Variants in DOP1B observed in about 807,000 individuals in gnomAD.
DOP1B encodes protein DOP1B.
DOP1B carries 174 observed loss-of-function variants against 233.5 expected under a neutral mutation model. The observed-to-expected ratio is 0.75, with a 90% CI of 0.66 to 0.85. The LOEUF (loss-of-function observed/expected upper bound fraction) is 0.85. Ranked by LOEUF, DOP1B falls within the 40% of genes least tolerant of loss-of-function variation. The pLI is 0.00. For synonymous variants in DOP1B, 1,190 were observed against 1,185.6 expected (o/e 1.00, Z -0.08); for missense variants, 2,652 against 2,846.6 (o/e 0.93, Z 1.56).
chr21:36,223,265 G>T lies in DOP1B; in HGVS notation c.1285G>T (p.Val429Phe). The change falls in exon 11 of 37, where the codon GTC (valine) becomes TTC (phenylalanine). Residue 429 changes from valine to phenylalanine, a missense_variant. By Grantham distance (50) the Val-to-Phe change is conservative. Coordinates refer to ENST00000691173, the MANE Select transcript of DOP1B (RefSeq NM_001320714.2). Reference sequence around the variant, plus strand: ...GGAAAACAGAAATGCCTCTGAGATTGTCAAAACGGTAAATTTGCTGATAAC... The same window carrying T: ...GGAAAACAGAAATGCCTCTGAGATTTTCAAAACGGTAAATTTGCTGATAAC... ...IKENRNASEI[V>F]KTVNLLITSL... is the part of the protein sequence containing the mutation. 1 of 1,608,430 alleles carries T rather than the reference G, an allele frequency of 6.2e-7. No homozygotes were observed. The highest frequency in any genetic ancestry group is 8.5e-7 in the Non-Finnish European group (1 of 1,178,668).
chr21:36,260,446 T>TG (rs2067157422), intron 23 of DOP1B, among the ~76,000 whole-genome samples: 1 of 152,022 alleles, frequency 6.6e-6, no homozygotes, highest in Non-Finnish European at 1.5e-5. Flanking sequence ...GTGCACAGGG[T>TG]GGGAGATCAC....
intron 34 of DOP1B, 22 bp downstream of exon 34, chr21:36,288,833 C>T (rs1247599592): frequency 1.9e-6 from 3 of 1,592,262 alleles, no homozygotes; most frequent in Admixed American, 1.7e-5. Context: ...AAGATCTGTA[C>T]ACAAGAGGAA....
intron 35 of DOP1B, among the ~76,000 whole-genome samples, chr21:36,291,596 G>A (rs896216907): frequency 1.3e-5 from 2 of 152,044 alleles, no homozygotes; most frequent in African/African-American, 4.8e-5. Flanking sequence ...ATGTGAATGT[G>A]CATAGCAACA....
In DOP1B at chr21:36,246,672, T is replaced by C; in HGVS notation, c.4692T>C (p.Ser1564=). The change falls in exon 19 of 37, where the codon TCT becomes TCC. Residue 1564 remains serine, a synonymous_variant. Coordinates refer to ENST00000691173, the MANE Select transcript of DOP1B (RefSeq NM_001320714.2). The surrounding 1 kb of genome is among the most constrained non-coding windows in gnomAD (Gnocchi z 5.1). ...ATGAAAGCGAATCTGTGAAGCTCTC[T>C]GTCAGGTGCGTTACGCTCCTTGTGA... ...KQYESESVKL[S]VSTTSKRENI... is the part of the protein sequence containing the mutation. 1 of 1,608,844 alleles carries C rather than the reference T, an allele frequency of 6.2e-7. No individual in the cohort carries two copies. The highest frequency in any genetic ancestry group is 8.5e-7 in the Non-Finnish European group (1 of 1,175,806).
chr21:36,219,532 C>T, intron 10 of DOP1B, 40 bp downstream of exon 10: 2 of 1,593,904 alleles, frequency 1.3e-6, no homozygotes, highest in Middle Eastern at 1.7e-4. Context: ...CTCTCTCCCT[C>T]CCCGGTACTG....
At chr21:36,286,038 G>T (rs985854189) in intron 32 of DOP1B, among the ~76,000 whole-genome samples, 5 of 151,586 alleles carry the variant, frequency 3.3e-5, no homozygotes, top group Non-Finnish European at 7.4e-5. Flanking sequence ...CAGGAGTGGA[G>T]AATTTCTAAC....
At chr21:36,248,011 C>T (rs1199625733) in intron 20 of DOP1B, among the ~76,000 whole-genome samples, 1 of 152,200 alleles carries the variant, frequency 6.6e-6, no homozygotes, top group Non-Finnish European at 1.5e-5. Flanking sequence ...GGCTTATAGT[C>T]ATCTTTTTCC....
Position 36,170,142 on chromosome 21 carries a change from G to A in DOP1B, c.138+5271G>A, listed in dbSNP as rs116966650. 3,039 of 525,718 alleles carry A rather than the reference G, an allele frequency of 5.8e-3. 20 individuals carry two copies. Among genetic ancestry groups the A allele is most frequent in the Admixed American group, 8.8e-3 (285 of 32,456 alleles). The allele number at this position is 525,718 out of a possible 1,614,324, so 32.6% of individuals were successfully genotyped here. On this transcript the variant is annotated intron_variant, in intron 2 of 36. Coordinates refer to ENST00000691173, the MANE Select transcript of DOP1B (RefSeq NM_001320714.2). ...TTCACTCCTATGGCAGGAAGCAGAG[G>A]GACCCATGTCTGGGAGTGGAGAACT...
At chr21:36,258,592 A>G (rs187434547) in intron 23 of DOP1B, among the ~76,000 whole-genome samples, 18 of 152,144 alleles carry the variant, frequency 1.2e-4, no homozygotes, top group African/African-American at 4.1e-4. Context: ...GCAGCCCCCT[A>G]TAGAAATGTC....
chr21:36,230,607 G>T lies in DOP1B; in HGVS notation c.1823G>T (p.Arg608Leu). The change falls in exon 14 of 37, where the codon CGA becomes CTA. Residue 608 changes from arginine to leucine, a missense_variant. Coordinates refer to ENST00000691173, the MANE Select transcript of DOP1B (RefSeq NM_001320714.2). ...CTCTCTGAGCACTTGAGGGTTCCTC[G>T]AGTTTCTCTGGAAAGGGACGACGTT... ...PELSEHLRVP[R>L]VSLERDDVWK... The T allele has an allele frequency of 6.2e-7, 1 of 1,614,180 alleles. No homozygotes were observed. The highest frequency in any genetic ancestry group is 1.1e-5 in the South Asian group (1 of 91,086).
At position 36,276,067 on chromosome 21, in the gene DOP1B, C is replaced by T. The variant is rs530029340; in HGVS notation, c.5633-954C>T. Among the ~76,000 whole-genome samples, 34 of 135,952 alleles carry T rather than the reference C, an allele frequency of 2.5e-4. 1 individual carries two copies. The highest frequency in any genetic ancestry group is 7.6e-4 in the Admixed American group (10 of 13,162). 89.2% of individuals were successfully genotyped at this position (135,952 alleles called of 152,430 possible). The stretch of plus-strand genomic sequence containing the variant: ...GACAGTGGTGGAGCTGGAGCGGAGT[C>T]GGGGATGGTTAGAAGAGAAGAAGGC... On this transcript the variant is annotated intron_variant, in intron 27 of 36. Transcript: ENST00000691173.
chr21:36,283,433 A>G (rs1263338815), intron 32 of DOP1B, among the ~76,000 whole-genome samples: 1 of 152,180 alleles, frequency 6.6e-6, no homozygotes, highest in Non-Finnish European at 1.5e-5. Flanking sequence ...CTCGTTAGTC[A>G]TGATAACTTA....
intron 2 of DOP1B, among the ~76,000 whole-genome samples, chr21:36,195,055 A>T (rs561640482): frequency 6.6e-6 from 1 of 151,648 alleles, no homozygotes; most frequent in East Asian, 2.0e-4. Context: ...AAAAATACCA[A>T]AGATGCTGGG....
At chr21:36,219,334 T>G (rs1415189735) in intron 9 of DOP1B, 38 bp from the exon 10 acceptor site, 8 of 1,613,454 alleles carry the variant, frequency 5.0e-6, no homozygotes, top group Middle Eastern at 1.7e-4. Context: ...TAAAGGGGAT[T>G]GTTAATCTGT....
At position 36,293,538 on chromosome 21, in the gene DOP1B, C is replaced by T. The variant is rs61752552; in HGVS notation, c.6864C>T (p.Ile2288=). Residue 2288 remains isoleucine, a synonymous_variant, in exon 37 of 37, where the codon ATC becomes ATT. Transcript: ENST00000691173. ...PRILKQLEEC[I]EYDFLEHPEC ...TCTTAAAACAACTGGAAGAATGCAT[C>T]GAATATGATTTTCTGGAACATCCAG... The T allele has an allele frequency of 1.3e-3, 2,091 of 1,614,028 alleles. 8 individuals carry two copies. The highest frequency in any genetic ancestry group is 1.6e-3 in the South Asian group (148 of 91,076).
chr21:36,201,669 T>C (rs1024939122), intron 4 of DOP1B, among the ~76,000 whole-genome samples: 7 of 151,858 alleles, frequency 4.6e-5, no homozygotes, highest in African/African-American at 1.7e-4. Flanking sequence ...CTAAAGTCCT[T>C]CTTCTTTCCA....
chr21:36,238,810 T>C, intron 17 of DOP1B, 109 bp downstream of exon 17: 1 of 1,026,778 alleles, frequency 9.7e-7, no homozygotes, highest in Non-Finnish European at 1.5e-6. Context: ...GTTGAAAACA[T>C]GAACCCATAT....
chr21:36,228,537 C>T (rs149171652), intron 13 of DOP1B, among the ~76,000 whole-genome samples: 1,560 of 152,016 alleles, frequency 0.01, 9 homozygotes, highest in Non-Finnish European at 0.017. Flanking sequence ...GAGGCCGAGG[C>T]GGGCAGATCA....
intron 2 of DOP1B, among the ~76,000 whole-genome samples, chr21:36,191,256 A>G (rs368481353): frequency 0.11 from 2,686 of 25,422 alleles, 73 homozygotes; most frequent in African/African-American, 0.34. Context: ...AACAAGTCAG[A>G]AAAAAAAAAA....
Sources: allele counts gnomAD v4.1 joint callset (sites outside exome capture counted in the v4.1 genomes callset), GRCh38; gene constraint gnomAD v4.1.1; non-coding constraint Gnocchi (gnomAD v3.1); transcripts MANE v1.5; gene names NCBI Gene and HGNC (gene_info 2026-07-23, HGNC 2026-07-21).